TPO: variants seen among roughly 807,000 people sequenced by gnomAD.
The protein encoded by TPO is thyroid microsomal antigen.
In TPO, 78 loss-of-function variants were observed where a neutral mutation model predicts 96.9. The ratio of observed to expected loss-of-function variants is 0.81; its 90% confidence interval spans 0.67 to 0.97. The LOEUF is 0.97. Among genes scored for constraint, TPO ranks in the 50% least tolerant of loss-of-function variants. The probability of loss-of-function intolerance (pLI) is 0.00; values close to 1 mark genes in which losing one functional copy is unlikely to be tolerated. For synonymous variants in TPO, 547 were observed against 538.0 expected (o/e 1.02, Z -0.23); for missense variants, 1,252 against 1,274.8 (o/e 0.98, Z 0.27).
intron 10 of TPO, 92 bp downstream of exon 10, chr2:1,488,083 A>C: frequency 6.4e-7 from 1 of 1,572,670 alleles, no homozygotes; most frequent in African/African-American, 1.3e-5. Flanking sequence ...ATTTAGAGGA[A>C]AACAATCACA....
chr2:1,422,971 A>T, intron 2 of TPO, 74 bp from the exon 3 acceptor site: 1 of 1,527,178 alleles, frequency 6.5e-7, no homozygotes, highest in Admixed American at 1.7e-5. Context: ...GATGGGCTTG[A>T]GGAACAAAGC....
intron 14 of TPO, among the ~76,000 whole-genome samples, chr2:1,512,133 A>G (rs11211655): frequency 0.077 from 11,763 of 151,958 alleles, 617 homozygotes; most frequent in East Asian, 0.15. Flanking sequence ...TCCCGGGTTC[A>G]CGCCATTCTC....
intron 1 of TPO, among the ~76,000 whole-genome samples, chr2:1,376,231 G>C (rs985851308): frequency 6.6e-6 from 1 of 152,140 alleles, no homozygotes; most frequent in Admixed American, 6.5e-5. Flanking sequence ...CAAATGTCTC[G>C]CTCTGAAACT....
chr2:1,441,969 G>A (rs1212104185), intron 5 of TPO, among the ~76,000 whole-genome samples: 1 of 152,258 alleles, frequency 6.6e-6, no homozygotes, highest in Non-Finnish European at 1.5e-5. Flanking sequence ...TTGAATCATG[G>A]GGGCAGGTCT....
rs781293429 is a variant in TPO at position 1,380,388 on chromosome 2, T to C, written n.180+5986T>C. Among the ~76,000 whole-genome samples the C allele has an allele frequency of 3.7e-3, 457 of 123,984 alleles. 2 individuals are homozygous for C. Among genetic ancestry groups the C allele is most frequent in the Non-Finnish European group, 6.4e-3 (381 of 59,630 alleles). 81.3% of individuals were successfully genotyped at this position (123,984 alleles called of 152,430 possible). A position where few individuals can be genotyped will look rare whatever the true frequency, so the allele number is the denominator to read the frequency against. Reference sequence around the variant, plus strand: ...CAGCCTGGGCGACAGAGCGAGACTCTGTCTCAAAAAAAAAAAAAAAAAAAG... The same window carrying C: ...CAGCCTGGGCGACAGAGCGAGACTCCGTCTCAAAAAAAAAAAAAAAAAAAG... On this transcript the variant is annotated intron_variant and non_coding_transcript_variant, in intron 1 of 5. Transcript: ENST00000497517.
chr2:1,479,284 C>G (rs1670310223), intron 8 of TPO, among the ~76,000 whole-genome samples: 1 of 152,230 alleles, frequency 6.6e-6, no homozygotes, highest in South Asian at 2.1e-4. Flanking sequence ...GCTTCTGTGC[C>G]CCTTCCCTGA....
chr2:1,526,899 G>A (rs532501199), intron 15 of TPO, among the ~76,000 whole-genome samples: 4 of 75,764 alleles, frequency 5.3e-5, no homozygotes, highest in South Asian at 4.6e-4. Flanking sequence ...AAAATCCCCC[G>A]GTGTGTGCAA....
At chr2:1,506,075 C>T (rs996376506) in intron 14 of TPO, among the ~76,000 whole-genome samples, 1 of 151,686 alleles carries the variant, frequency 6.6e-6, no homozygotes, top group East Asian at 1.9e-4. Context: ...TGTGATGTTC[C>T]CCTTCCTGTG....
chr2:1,449,636 A>G (rs1404142068), intron 5 of TPO, among the ~76,000 whole-genome samples: 44 of 152,208 alleles, frequency 2.9e-4, no homozygotes, highest in Admixed American at 2.9e-3. Flanking sequence ...TGACACTTGA[A>G]GTGATAAAAA....
intron 7 of TPO, among the ~76,000 whole-genome samples, chr2:1,466,203 G>T (rs1463800870): frequency 6.6e-6 from 1 of 152,146 alleles, no homozygotes; most frequent in African/African-American, 2.4e-5. Flanking sequence ...TTATTGACTT[G>T]TGTATGTTAA....
chr2:1,395,834 C>T (rs1023247725), intron 1 of TPO, among the ~76,000 whole-genome samples: 1 of 152,188 alleles, frequency 6.6e-6, no homozygotes, highest in Non-Finnish European at 1.5e-5. Context: ...AGTTCCCCTG[C>T]ACACATTCTC....
chr2:1,429,291 G>T (rs1025657174), intron 3 of TPO, among the ~76,000 whole-genome samples: 80 of 152,128 alleles, frequency 5.3e-4, no homozygotes, highest in Non-Finnish European at 8.1e-4. Context: ...GCTTCATGAG[G>T]CCCTCACCAG....
chr2:1,441,412 A>T (rs900904347), intron 5 of TPO, among the ~76,000 whole-genome samples: 2 of 152,238 alleles, frequency 1.3e-5, no homozygotes, highest in African/African-American at 4.8e-5. Context: ...GTGTGTGTGC[A>T]TGCACGGCAA....
At chr2:1,474,686 G>A (rs1301515807) in intron 7 of TPO, among the ~76,000 whole-genome samples, 2 of 152,202 alleles carry the variant, frequency 1.3e-5, no homozygotes, top group Admixed American at 1.3e-4. Context: ...TCATCGATCT[G>A]TTCTTCATTT....
intron 7 of TPO, among the ~76,000 whole-genome samples, chr2:1,463,614 T>C (rs113259699): frequency 1.3e-5 from 2 of 152,238 alleles, no homozygotes; most frequent in African/African-American, 4.8e-5. Flanking sequence ...CTCTGACTAC[T>C]GATCACTCAG....
rs1382182482 is a variant in TPO at position 1,540,587 on chromosome 2, C to G, written c.2619-7C>G. On this transcript the variant is annotated splice_region_variant and splice_polypyrimidine_tract_variant and intron_variant, in intron 15 of 16. Transcript: ENST00000329066. ...TCTCCCGATAACTGGACACGTGTCT[C>G]CCACAGGACACGCACTGGCACTAAA... 2 of 1,612,990 alleles carry G rather than the reference C, an allele frequency of 1.2e-6. No homozygotes were observed. The highest frequency in any genetic ancestry group is 3.3e-5 in the Admixed American group (2 of 60,000).
intron 6 of TPO, among the ~76,000 whole-genome samples, chr2:1,455,786 CA>C (rs1382932265): frequency 6.6e-6 from 1 of 152,196 alleles, no homozygotes; most frequent in African/African-American, 2.4e-5. Context: ...CCCACAACAA[CA>C]CTGAAAGCTC....
intron 13 of TPO, 112 bp from the exon 14 acceptor site, chr2:1,503,836 A>AG: frequency 6.3e-7 from 1 of 1,591,378 alleles, no homozygotes; most frequent in East Asian, 2.3e-5. Flanking sequence ...GTGGGATGGC[A>AG]GGCAAAGGGC....
intron 7 of TPO, among the ~76,000 whole-genome samples, chr2:1,461,236 C>T (rs1240204143): frequency 1.3e-5 from 2 of 152,158 alleles, no homozygotes; most frequent in East Asian, 3.9e-4. Context: ...GTGGTGAGCC[C>T]CACACACCCG....
Sources: allele counts gnomAD v4.1 joint callset (sites outside exome capture counted in the v4.1 genomes callset), GRCh38; gene constraint gnomAD v4.1.1; transcripts MANE v1.5; gene names NCBI Gene and HGNC (gene_info 2026-07-23, HGNC 2026-07-21).